TSNARE1: variants seen among roughly 807,000 people sequenced by gnomAD.
TSNARE1 encodes t-SNARE domain-containing protein 1.
TSNARE1 carries 49 observed loss-of-function variants against 62.0 expected under a neutral mutation model. The ratio of observed to expected loss-of-function variants is 0.79; its 90% CI spans 0.63 to 1.00. TSNARE1 has a LOEUF of 1.00. TSNARE1 is among the 50% of genes least tolerant of loss of function. The pLI is 0.00. For synonymous variants in TSNARE1, 328 were observed against 294.4 expected (o/e 1.11, Z -1.17); for missense variants, 755 against 700.1 (o/e 1.08, Z -0.88).
chr8:142,227,093 C>T (rs1221892375), intron 13 of TSNARE1, among the ~76,000 whole-genome samples: 6 of 148,566 alleles, frequency 4.0e-5, no homozygotes, highest in African/African-American at 9.9e-5. Flanking sequence ...AGCCAGGAAC[C>T]CCACTGCACC....
chr8:142,327,120 T>G (rs1174516327), intron 6 of TSNARE1, among the ~76,000 whole-genome samples: 1 of 152,148 alleles, frequency 6.6e-6, no homozygotes, highest in Non-Finnish European at 1.5e-5. Context: ...TGGGGATATA[T>G]CCAAGACAGG....
In TSNARE1 at chr8:142,221,751, AC is replaced by A. The variant is rs1327727317; in HGVS notation, c.*11+7721del. Among the ~76,000 whole-genome samples, 12 of 52,632 alleles carry A rather than the reference AC, an allele frequency of 2.3e-4. 2 individuals carry two copies. Among genetic ancestry groups the A allele is most frequent in the East Asian group, 1.1e-3 (2 of 1,832 alleles). The allele number at this position is 52,632 out of a possible 152,430, so 34.5% of individuals were successfully genotyped here. On this transcript the variant is annotated intron_variant, in intron 13 of 13. Transcript: ENST00000524325. ...CACTCACTCATTCACTCACTCACTC[AC>A]TCATTCACTCACTCACTCACTCATT...
rs117942629 is a variant in TSNARE1, at chr8:142,319,883, G to A, written c.894-1249C>T. On this transcript the variant is annotated intron_variant, in intron 6 of 13. Transcript: ENST00000524325. The surrounding 1 kb of genome is among the most constrained non-coding windows in gnomAD (Gnocchi z 4.9). Reference sequence around the variant, plus strand: ...TTACTACAGACTAGGCGGGAAGCGCGGGGACAGGAGCTTTCTTCCCCGGGG... The same window carrying A: ...TTACTACAGACTAGGCGGGAAGCGCAGGGACAGGAGCTTTCTTCCCCGGGG... Among the ~76,000 whole-genome samples the A allele has an allele frequency of 8.8e-3, 1,345 of 152,296 alleles. 8 individuals carry two copies. Among genetic ancestry groups the A allele is most frequent in the Non-Finnish European group, 0.013 (892 of 68,010 alleles).
chr8:142,375,782 G>A (rs926170449), intron 1 of TSNARE1, among the ~76,000 whole-genome samples: 11 of 152,340 alleles, frequency 7.2e-5, no homozygotes, highest in Admixed American at 2.0e-4. Flanking sequence ...CAGAAGATGC[G>A]GCTTCCTAGC....
chr8:142,222,262 C>CCACT (rs1816338389), intron 13 of TSNARE1, among the ~76,000 whole-genome samples: 2 of 25,804 alleles, frequency 7.8e-5, no homozygotes, highest in African/African-American at 2.6e-4. Context: ...ATCCACTCAT[C>CCACT]CACTCACTCA....
intron 12 of TSNARE1, among the ~76,000 whole-genome samples, chr8:142,238,292 A>G (rs1586818974): frequency 6.6e-6 from 1 of 152,022 alleles, no homozygotes; most frequent in East Asian, 1.9e-4. Flanking sequence ...AGCGGCTCAC[A>G]TCCTCCTGGC....
intron 1 of TSNARE1, among the ~76,000 whole-genome samples, chr8:142,381,815 G>T (rs1006789279): frequency 1.3e-5 from 2 of 152,316 alleles, no homozygotes; most frequent in Non-Finnish European, 2.9e-5. Flanking sequence ...GCCCCTAATG[G>T]AGCAGAAGAC....
intron 13 of TSNARE1, among the ~76,000 whole-genome samples, chr8:142,219,160 C>G (rs566565015): frequency 1.3e-5 from 2 of 152,306 alleles, no homozygotes; most frequent in African/African-American, 4.8e-5. Context: ...GGGGTGGGGC[C>G]AGAATCCCTG....
rs78741461 is a variant in TSNARE1 at position 142,284,397 on chromosome 8, T to A, written c.1363+16A>T. The stretch of plus-strand genomic sequence containing the variant: ...CTCGGGGCAGCAGGTGGCCCGAGGC[T>A]GGGGCGGGTACCCACCAACAGCTTC... On this transcript the variant is annotated intron_variant, in intron 11 of 13. Coordinates refer to ENST00000524325, the MANE Select transcript of TSNARE1 (RefSeq NM_145003.5). The A allele has an allele frequency of 6.2e-7, 1 of 1,610,128 alleles. No homozygotes were observed. The highest frequency in any genetic ancestry group is 1.3e-5 in the African/African-American group (1 of 74,896).
rs1587090766 is a variant in TSNARE1 at position 142,380,550 on chromosome 8, A to G, written c.-40+22554T>C. Among the ~76,000 whole-genome samples the G allele has an allele frequency of 6.1e-5, 4 of 65,450 alleles. No individual in the cohort carries two copies. The South Asian group carries it at 2.0e-3, about 32-fold the overall frequency. The allele number at this position is 65,450 out of a possible 152,430, so 42.9% of individuals were successfully genotyped here. On this transcript the variant is annotated intron_variant, in intron 1 of 13. Coordinates refer to ENST00000524325, the MANE Select transcript of TSNARE1 (RefSeq NM_145003.5). ...GCACTCATCTAGCCCAGGCCACCCC[A>G]CTTCTCACAGCAGCCCCTCCATGGG...
rs146348119 is a variant in TSNARE1, at chr8:142,270,718, G to A, written c.1446+4063C>T. ...CTTTCCAGAGTTCCAGTGAGCAGGG[G>A]GCCCCTCAGTGCATCTTCCCCACCT... On this transcript the variant is annotated intron_variant, in intron 12 of 13. Transcript: ENST00000524325. 359 of 985,248 alleles carry A rather than the reference G, an allele frequency of 3.6e-4. 2 individuals carry two copies. The Middle Eastern group carries it at 7.8e-3, about 22-fold the overall frequency. 61.0% of individuals were successfully genotyped at this position (985,248 alleles called of 1,614,324 possible).
chr8:142,276,599 T>C (rs6983847), intron 11 of TSNARE1: 204,203 of 985,350 alleles, frequency 0.21, 21,647 homozygotes, highest in Middle Eastern at 0.25. Context: ...GGACAGGCCA[T>C]GTGCCCTGGC....
In TSNARE1 at chr8:142,316,406, T is replaced by A. The variant is rs534016827; in HGVS notation, c.985-1314A>T. Among the ~76,000 whole-genome samples, 69 of 151,894 alleles carry A rather than the reference T, an allele frequency of 4.5e-4. No individual in the cohort carries two copies. The South Asian group carries it at 9.8e-3, about 21-fold the overall frequency. On this transcript the variant is annotated intron_variant, in intron 7 of 13. Coordinates refer to ENST00000524325, the MANE Select transcript of TSNARE1 (RefSeq NM_145003.5). ...TCCTGTCATCTGCCTTTAGGGAGAC[T>A]CTGGCCACCCCATCACTGGACAGGG...
At chr8:142,354,798 G>T in intron 1 of TSNARE1, 35 bp from the exon 2 acceptor site, 3 of 1,255,542 alleles carry the variant, frequency 2.4e-6, no homozygotes, top group Non-Finnish European at 3.5e-6. Context: ...GGAAGAGGGG[G>T]AAGACATGGG....
intron 1 of TSNARE1, among the ~76,000 whole-genome samples, chr8:142,373,778 T>C (rs1289258950): frequency 6.6e-6 from 1 of 151,720 alleles, no homozygotes; most frequent in African/African-American, 2.4e-5. Flanking sequence ...AAGACAGCCT[T>C]ACCCACTCCA....
chr8:142,396,726 T>A (rs1329980918), intron 1 of TSNARE1, among the ~76,000 whole-genome samples: 1 of 152,200 alleles, frequency 6.6e-6, no homozygotes, highest in Non-Finnish European at 1.5e-5. Flanking sequence ...AAGTCATGGC[T>A]GGGCATTTAC....
At chr8:142,310,125 T>C (rs769460822) in intron 9 of TSNARE1, among the ~76,000 whole-genome samples, 3 of 152,240 alleles carry the variant, frequency 2.0e-5, no homozygotes, top group Non-Finnish European at 4.4e-5. Flanking sequence ...ATTAATCTTG[T>C]AGGGGTTTAA....
At chr8:142,393,304 A>G (rs562239404) in intron 1 of TSNARE1, among the ~76,000 whole-genome samples, 13 of 152,188 alleles carry the variant, frequency 8.5e-5, no homozygotes, top group Non-Finnish European at 1.6e-4. Flanking sequence ...GATGGAGAGC[A>G]GACTGGTGGC....
chr8:142,401,498 G>A (rs918305796), intron 1 of TSNARE1, among the ~76,000 whole-genome samples: 49 of 152,286 alleles, frequency 3.2e-4, no homozygotes, highest in African/African-American at 7.9e-4. Flanking sequence ...CCAGGACCTC[G>A]CTCTGCAGGC....
Sources: gnomAD v4.1 joint callset for allele counts (sites outside exome capture counted in the v4.1 genomes callset) on GRCh38, gnomAD v4.1.1 for gene constraint, Gnocchi (gnomAD v3.1) non-coding constraint, MANE v1.5 for transcripts, NCBI Gene and HGNC (gene_info 2026-07-23, HGNC 2026-07-21) for gene names.